Variants in ATP2B4 observed in about 807,000 individuals in gnomAD.
ATP2B4 encodes ATPase plasma membrane Ca2+ transporting 4, also known as plasma membrane calcium-transporting ATPase 4.
Under a neutral mutation model 110.3 loss-of-function variants are expected in ATP2B4, and 39 were observed. That is an observed-to-expected ratio of 0.35 (90% CI 0.27 to 0.46). The LOEUF (loss-of-function observed/expected upper bound fraction) is 0.46, where lower values mean the gene tolerates loss of function less well. Among genes scored for constraint, ATP2B4 ranks in the 20% least tolerant of loss-of-function variants. ATP2B4 has a pLI of 1.00. For synonymous variants in ATP2B4, 538 were observed against 571.7 expected, an observed-to-expected ratio of 0.94 and a Z score of 0.84; for missense variants, 1,135 against 1,530.9, an observed-to-expected ratio of 0.74 and a Z score of 4.32.
chr1:203,672,797 G>A (rs1397458181), intron 1 of ATP2B4, among the ~76,000 whole-genome samples: 1 of 152,166 alleles, frequency 6.6e-6, no homozygotes, highest in Non-Finnish European at 1.5e-5. Flanking sequence ...GGCTGGGAGG[G>A]GATTTGCTCC....
intron 8 of ATP2B4, among the ~76,000 whole-genome samples, chr1:203,706,564 A>G (rs960410361): frequency 6.6e-5 from 10 of 152,354 alleles, no homozygotes; most frequent in African/African-American, 2.2e-4. Context: ...CAACATTCAG[A>G]GGTTAGTAGA....
intron 20 of ATP2B4, among the ~76,000 whole-genome samples, chr1:203,730,224 C>T (rs1168275340): frequency 1.4e-5 from 2 of 143,164 alleles, no homozygotes; most frequent in Non-Finnish European, 3.0e-5. Flanking sequence ...ATATGAAGAG[C>T]TGAATTAAAA....
intron 1 of ATP2B4, chr1:203,657,741 A>G (rs1664205594): frequency 1.5e-5 from 11 of 712,922 alleles, no homozygotes. Flanking sequence ...GTGTAATTCA[A>G]TATATTCGTT....
At chr1:203,727,312 C>A in intron 19 of ATP2B4, 83 bp from the exon 20 acceptor site, 1 of 1,523,762 alleles carries the variant, frequency 6.6e-7, no homozygotes, top group South Asian at 1.2e-5. Context: ...GTAACCTGCC[C>A]AAGGGCCTGG....
rs144182897 is a variant in ATP2B4 at position 203,700,309 on chromosome 1, C to G, written c.753C>G (p.Asp251Glu). 7 of 1,613,556 alleles carry G rather than the reference C, an allele frequency of 4.3e-6. No individual in the cohort carries two copies. The highest frequency in any genetic ancestry group is 5.9e-6 in the Non-Finnish European group (7 of 1,179,694). Residue 251 changes from aspartate (D) to glutamate (E), a missense_variant, in exon 5 of 21, where the codon GAC (aspartate) becomes GAG (glutamate). By Grantham distance (45) the Asp-to-Glu change is conservative. Around this residue, in one of 9 missense-constraint regions of ATP2B4, gnomAD observed 162 missense variants for 210.5 expected, o/e 0.77. Coordinates refer to ENST00000357681, the MANE Select transcript of ATP2B4 (RefSeq NM_001684.5). ...GESDHVKKSL[D>E]KDPMLLSGTH... The stretch of plus-strand genomic sequence containing the variant: ...CTGACCATGTCAAGAAGTCCCTGGA[C>G]AAAGACCCCATGTTGCTCTCAGGTA...
intron 2 of ATP2B4, among the ~76,000 whole-genome samples, chr1:203,696,798 G>A (rs1247012375): frequency 6.6e-6 from 1 of 152,088 alleles, no homozygotes; most frequent in African/African-American, 2.4e-5. Context: ...ATATCTGTGT[G>A]GTATGTATTG....
At chr1:203,698,479 C>T (rs1665600126) in intron 3 of ATP2B4, 125 bp downstream of exon 3, 1 of 1,064,560 alleles carries the variant, frequency 9.4e-7, no homozygotes, top group Non-Finnish European at 1.4e-6. Flanking sequence ...CCAGAGTGGG[C>T]TTTCCAAAGG....
At chr1:203,723,488 T>A (rs1571766308) in intron 18 of ATP2B4, among the ~76,000 whole-genome samples, 1 of 118,608 alleles carries the variant, frequency 8.4e-6, no homozygotes, top group Admixed American at 9.5e-5. Context: ...CTCTCTCTTT[T>A]CCCCCCTCCC....
intron 1 of ATP2B4, among the ~76,000 whole-genome samples, chr1:203,638,720 A>G (rs751741202): frequency 6.6e-6 from 1 of 152,142 alleles, no homozygotes; most frequent in Non-Finnish European, 1.5e-5. Context: ...CTGGTTCCCA[A>G]TGTCTCTACC....
chr1:203,728,520 A>G lies in ATP2B4; in HGVS notation c.3309+949A>G, dbSNP rs192965183. On this transcript the variant is annotated intron_variant, in intron 20 of 20. Transcript: ENST00000357681. ...CTGCTGATTGGCTAGAGATCTTCAA[A>G]ATAAGTTTCACTGTCTAAAACTGGC... Among the ~76,000 whole-genome samples, 802 of 152,306 alleles carry G rather than the reference A, an allele frequency of 5.3e-3. 5 individuals carry two copies. Among genetic ancestry groups the G allele is most frequent in the Middle Eastern group, 0.017 (5 of 294 alleles).
chr1:203,708,324 T>C (rs1379067320), intron 10 of ATP2B4, among the ~76,000 whole-genome samples: 1 of 152,050 alleles, frequency 6.6e-6, no homozygotes, highest in African/African-American at 2.4e-5. Context: ...GGCCAGGAAA[T>C]ACCCTCCCAA....
rs529686995 is a variant in ATP2B4 at position 203,739,677 on chromosome 1, C to T, written c.3441C>T (p.Leu1147=). 4.3e-6 allele frequency: 7 copies of T among 1,614,158 alleles called. No individual in the cohort carries two copies. In the East Asian group the frequency reaches 1.1e-4, roughly 26 times the overall value. ...AIEEELPRTP[L]LDEEEEENPD... is the part of the protein sequence containing the mutation. ...AGGAGGAGTTGCCACGAACACCACT[C>T]CTGGATGAGGAAGAGGAGGAAAATC... Residue 1147 remains leucine, a synonymous_variant, in exon 21 of 21, where the codon CTC becomes CTT. Coordinates refer to ENST00000357681, the MANE Select transcript of ATP2B4 (RefSeq NM_001684.5).
chr1:203,645,157 T>C lies in ATP2B4; in HGVS notation c.-465+17938T>C, dbSNP rs560742563. Among the ~76,000 whole-genome samples the C allele has an allele frequency of 2.0e-5, 3 of 152,332 alleles. No homozygotes were observed. The East Asian group carries it at 5.8e-4, about 29-fold the overall frequency. ...TGCTCAGCTTATCTCCTGCACCTAG[T>C]GCTATAAACAGTTGTGTTTCAGAGC... is the stretch of plus-strand genomic sequence containing the variant. On this transcript the variant is annotated intron_variant, in intron 1 of 20. Coordinates refer to ENST00000357681, the MANE Select transcript of ATP2B4 (RefSeq NM_001684.5).
Position 203,698,144 on chromosome 1 carries a change from A to G in ATP2B4, c.194-13A>G, listed in dbSNP as rs771908236. 6 of 1,613,706 alleles carry G rather than the reference A, an allele frequency of 3.7e-6. No homozygotes were observed. Among genetic ancestry groups the G allele is most frequent in the Middle Eastern group, 1.6e-4 (1 of 6,084 alleles). ...TTCCTACATTCATTCATCCACTCCT[A>G]TCTCCTTTTCAGGTCTGTCTGGGAA... On this transcript the variant is annotated splice_polypyrimidine_tract_variant and intron_variant, in intron 2 of 20. Coordinates refer to ENST00000357681, the MANE Select transcript of ATP2B4 (RefSeq NM_001684.5).
intron 19 of ATP2B4, among the ~76,000 whole-genome samples, chr1:203,725,904 C>CTTTTTTTTTTTTTTTCTTTTTTTTT (rs1666496317): frequency 1.1e-5 from 1 of 93,382 alleles, no homozygotes; most frequent in African/African-American, 4.5e-5. Flanking sequence ...CTTTTCTTTT[C>CTTTTTTTTTTTTTTTCTTTTTTTTT]TTTTTTTTTT....
intron 15 of ATP2B4, among the ~76,000 whole-genome samples, chr1:203,720,322 C>T (rs1459048839): frequency 2.0e-5 from 3 of 152,160 alleles, no homozygotes; most frequent in Admixed American, 1.3e-4. Flanking sequence ...AAAGGGATAT[C>T]AAAGATGATT....
Position 203,683,302 on chromosome 1 carries a change from A to G in ATP2B4, c.97A>G (p.Met33Val), listed in dbSNP as rs746304623. ...CACAGTAATGGAACTGAGGAAGCTC[A>G]TGGAGCTGCGTTCAAGGGATGCACT... ...GCTVMELRKL[M>V]ELRSRDALTQ... Residue 33 changes from methionine (M) to valine (V), a missense_variant, in exon 2 of 21, where the codon ATG (methionine) becomes GTG (valine). Met to Val is a conservative substitution (Grantham distance 21, BLOSUM62 1). Coordinates refer to ENST00000357681, the MANE Select transcript of ATP2B4 (RefSeq NM_001684.5). The G allele has an allele frequency of 6.2e-7, 1 of 1,611,030 alleles. No homozygotes were observed. The highest frequency in any genetic ancestry group is 1.7e-5 in the Admixed American group (1 of 60,024).
rs1316322281 is a variant in ATP2B4 at position 203,629,963 on chromosome 1, T to C, written c.-465+2744T>C. Among the ~76,000 whole-genome samples, 1 of 152,146 alleles carries C rather than the reference T, an allele frequency of 6.6e-6. No individual in the cohort carries two copies. The highest frequency in any genetic ancestry group is 1.5e-5 in the Non-Finnish European group (1 of 68,028). On this transcript the variant is annotated intron_variant, in intron 1 of 20. Transcript: ENST00000357681. This position sits in a 1 kb window ranked among gnomAD's most constrained non-coding sequence, Gnocchi z 4.6. ...ACGCCAGCGAGTTCCTAACCCGCCG[T>C]CTGGCCTCCAGTTTCCCCTCTGCAC...
intron 1 of ATP2B4, among the ~76,000 whole-genome samples, chr1:203,655,422 G>C (rs1664130406): frequency 6.6e-6 from 1 of 152,104 alleles, no homozygotes; most frequent in Admixed American, 6.5e-5. Context: ...AAGGCAGGCG[G>C]ATCACCTGAG....
Sources: allele counts gnomAD v4.1 joint callset (sites outside exome capture counted in the v4.1 genomes callset), GRCh38; gene constraint gnomAD v4.1.1; regional missense constraint gnomAD v4.1.1; non-coding constraint Gnocchi (gnomAD v3.1); transcripts MANE v1.5; gene names NCBI Gene and HGNC (gene_info 2026-07-23, HGNC 2026-07-21).